ITLN2: variants seen among roughly 807,000 people sequenced by gnomAD.
ITLN2 encodes the protein intelectin 2.
Under a neutral mutation model 39.4 loss-of-function variants are expected in ITLN2, and 29 were observed. The ratio of observed to expected loss-of-function variants is 0.74; its 90% CI spans 0.55 to 1.00. ITLN2 has a LOEUF of 1.00. Ranked by LOEUF, ITLN2 falls within the 50% of genes least tolerant of loss-of-function variation. The pLI, the probability that ITLN2 is intolerant of heterozygous loss-of-function variation, is 0.00. For synonymous variants in ITLN2, 156 were observed against 153.4 expected, an observed-to-expected ratio of 1.02 and a Z score of -0.12; for missense variants, 412 against 416.7, an observed-to-expected ratio of 0.99 and a Z score of 0.10.
At chr1:160,946,266 C>T (rs1671598161) in intron 7 of ITLN2, among the ~76,000 whole-genome samples, 1 of 151,122 alleles carries the variant, frequency 6.6e-6, no homozygotes, top group Admixed American at 6.6e-5. Context: ...AGCAGAGATC[C>T]TGCCATTGCA....
chr1:160,951,692 C>T (rs1671749012), intron 3 of ITLN2, among the ~76,000 whole-genome samples: 1 of 152,230 alleles, frequency 6.6e-6, no homozygotes, highest in Admixed American at 6.5e-5. Flanking sequence ...CAGAGTTCCC[C>T]TCCTGTTCAC....
At chr1:160,954,564 C>A in intron 1 of ITLN2, 114 bp from the exon 2 acceptor site, 1 of 1,206,758 alleles carries the variant, frequency 8.3e-7, no homozygotes, top group Non-Finnish European at 1.2e-6. Context: ...GTGATGGGCT[C>A]ATGAGCATTC....
chr1:160,954,314 C>T, intron 2 of ITLN2, 73 bp downstream of exon 2: 1 of 1,159,832 alleles, frequency 8.6e-7, no homozygotes, highest in East Asian at 2.5e-5. Flanking sequence ...CTGCCCAGCT[C>T]TACTCCCTCC....
chr1:160,952,228 A>T (rs1205035894), intron 3 of ITLN2, among the ~76,000 whole-genome samples: 5 of 152,250 alleles, frequency 3.3e-5, no homozygotes, highest in Admixed American at 2.0e-4. Context: ...CTACTTGGGC[A>T]GATGTCACCT....
chr1:160,951,447 A>G, intron 3 of ITLN2, 157 bp from the exon 4 acceptor site: 1 of 924,130 alleles, frequency 1.1e-6, no homozygotes, highest in South Asian at 1.9e-5. Flanking sequence ...TGTTCTGCTC[A>G]CCTATGAGCA....
At chr1:160,950,218 A>T (rs1457121355) in intron 5 of ITLN2, 52 bp from the exon 6 acceptor site, 13 of 1,596,810 alleles carry the variant, frequency 8.1e-6, no homozygotes, top group Non-Finnish European at 1.1e-5. Flanking sequence ...ATGCTGCCAC[A>T]GTGTGGGGGG....
At chr1:160,946,028 C>T (rs545262034) in intron 7 of ITLN2, among the ~76,000 whole-genome samples, 228 of 152,142 alleles carry the variant, frequency 1.5e-3, no homozygotes, top group African/African-American at 5.2e-3. Flanking sequence ...TATACTCAGC[C>T]GGGCACGGTG....
intron 2 of ITLN2, 45 bp from the exon 3 acceptor site, chr1:160,952,778 G>A: frequency 2.1e-6 from 3 of 1,426,624 alleles, no homozygotes; most frequent in Non-Finnish European, 3.0e-6. Context: ...TGACCACTGA[G>A]GCCATCTTTC....
chr1:160,949,854 A>G lies in ITLN2; in HGVS notation c.721+192T>C, dbSNP rs1191845532. On this transcript the variant is annotated intron_variant, in intron 6 of 7. Coordinates refer to ENST00000368029, the MANE Select transcript of ITLN2 (RefSeq NM_080878.3). ...GGATTACGTGCTGTGAAATGGGGAT[A>G]ACAGCAATTCTAACTTCATAGTTTT... 7 of 563,086 alleles carry G rather than the reference A, an allele frequency of 1.2e-5. No individual in the cohort carries two copies. In the Admixed American group the frequency reaches 2.1e-4, roughly 17 times the overall value. The allele number at this position is 563,086 out of a possible 1,614,324, so 34.9% of individuals were successfully genotyped here.
chr1:160,953,054 C>T (rs1183590616), intron 2 of ITLN2, among the ~76,000 whole-genome samples: 1 of 152,184 alleles, frequency 6.6e-6, no homozygotes, highest in African/African-American at 2.4e-5. Flanking sequence ...GGAGGGCAAA[C>T]CCACTAACGG....
intron 6 of ITLN2, among the ~76,000 whole-genome samples, 168 bp from the exon 7 acceptor site, chr1:160,948,200 G>T (rs186779861): frequency 6.6e-6 from 1 of 151,700 alleles, no homozygotes; most frequent in Non-Finnish European, 1.5e-5. Flanking sequence ...GCTGGTGCAC[G>T]TCAGTCCTAA....
Position 160,950,044 on chromosome 1 carries a change from AC to A in ITLN2, c.721+1del. The A allele has an allele frequency of 6.2e-7, 1 of 1,613,350 alleles. No homozygotes were observed. Among genetic ancestry groups the A allele is most frequent in the Non-Finnish European group, 8.5e-7 (1 of 1,179,414 alleles). ...GACTGGACTTAGGGAGCAAACACTCACGTTGACCATACGGTGAGTAATAAGA... is the reference window on the plus strand; with the variant it reads ...GACTGGACTTAGGGAGCAAACACTCAGTTGACCATACGGTGAGTAATAAGA... On this transcript the variant is annotated splice_donor_variant, in intron 6 of 7. Transcript: ENST00000368029. LOFTEE classifies it high-confidence loss of function.
At chr1:160,950,743 G>A in intron 4 of ITLN2, 32 bp from the exon 5 acceptor site, 1 of 1,594,416 alleles carries the variant, frequency 6.3e-7, no homozygotes, top group Non-Finnish European at 8.5e-7. Context: ...GCCTGACTGG[G>A]CCAGGAGGTA....
intron 6 of ITLN2, chr1:160,949,441 G>A (rs948044401): frequency 3.9e-5 from 6 of 153,552 alleles, no homozygotes; most frequent in African/African-American, 1.4e-4. Flanking sequence ...CTATCACATG[G>A]GGAGAAACCT....
intron 6 of ITLN2, 61 bp from the exon 7 acceptor site, chr1:160,948,093 C>T: frequency 7.2e-7 from 1 of 1,396,932 alleles, no homozygotes. Flanking sequence ...AAGCAGCATC[C>T]CATTGGCCAG....
intron 6 of ITLN2, chr1:160,949,836 G>A (rs988203472): frequency 5.9e-5 from 31 of 523,090 alleles, no homozygotes; most frequent in Non-Finnish European, 8.6e-5. Context: ...CTGGGATTAC[G>A]TGCTGTGAAA....
At chr1:160,954,263 G>A (rs1261688112) in intron 2 of ITLN2, 124 bp downstream of exon 2, 1 of 745,222 alleles carries the variant, frequency 1.3e-6, no homozygotes, top group Non-Finnish European at 2.2e-6. Flanking sequence ...TGGGTTCCCT[G>A]CCTCTCCAGA....
intron 7 of ITLN2, among the ~76,000 whole-genome samples, chr1:160,945,994 A>C (rs531985804): frequency 8.9e-4 from 136 of 152,306 alleles, no homozygotes; most frequent in African/African-American, 3.0e-3. Context: ...AAAGTTTGAT[A>C]AACTGAATTC....
In ITLN2 at chr1:160,945,045, G is replaced by A. The variant is rs1160086040; in HGVS notation, c.*95C>T. The A allele has an allele frequency of 9.1e-7, 1 of 1,097,168 alleles. No individual in the cohort carries two copies. The highest frequency in any genetic ancestry group is 1.3e-6 in the Non-Finnish European group (1 of 774,582). The allele number at this position is 1,097,168 out of a possible 1,614,324, so 68.0% of individuals were successfully genotyped here. A position where few individuals can be genotyped will look rare whatever the true frequency, so the allele number is the denominator to read the frequency against. ...TAGAGTTGCAAATTGATGTGATTTA[G>A]TCTCCTCTCCTCCTTGTTAGAATTC... On this transcript the variant is annotated 3_prime_UTR_variant, in exon 8 of 8. Transcript: ENST00000368029.
Sources: allele counts gnomAD v4.1 joint callset (sites outside exome capture counted in the v4.1 genomes callset), GRCh38; gene constraint gnomAD v4.1.1; transcripts MANE v1.5; gene names NCBI Gene and HGNC (gene_info 2026-07-23, HGNC 2026-07-21).